Variants in CHRM3 observed in about 807,000 individuals in gnomAD.
The protein encoded by CHRM3 is cholinergic receptor muscarinic 3.
Under a neutral mutation model 41.8 loss-of-function variants are expected in CHRM3, and 11 were observed. The observed-to-expected ratio is 0.26, with a 90% CI of 0.17 to 0.44. The LOEUF is 0.44. Ranked by LOEUF, CHRM3 falls within the 20% of genes least tolerant of loss-of-function variation. The pLI is 1.00. For synonymous variants in CHRM3, 297 were observed against 301.4 expected (o/e 0.99, Z 0.15); for missense variants, 571 against 745.4 (o/e 0.77, Z 2.72).
At chr1:239,559,148 TC>T (rs1459008348) in intron 3 of CHRM3, among the ~76,000 whole-genome samples, 1 of 152,178 alleles carries the variant, frequency 6.6e-6, no homozygotes, top group Non-Finnish European at 1.5e-5. Flanking sequence ...CCCTTTCACT[TC>T]CTTTCTGTAA....
intron 5 of CHRM3, among the ~76,000 whole-genome samples, chr1:239,735,423 A>AT (rs61138349): frequency 6.6e-6 from 1 of 152,006 alleles, no homozygotes; most frequent in East Asian, 1.9e-4. Flanking sequence ...ATGAGAGGCA[A>AT]TTTTTTTTCC....
At chr1:239,682,728 T>A (rs17649857) in intron 5 of CHRM3, among the ~76,000 whole-genome samples, 8,043 of 152,240 alleles carry the variant, frequency 0.053, 340 homozygotes, top group South Asian at 0.17. Flanking sequence ...AGTTGATTGT[T>A]AAGGTTTGTA....
chr1:239,736,964 G>A (rs931468594), intron 5 of CHRM3, among the ~76,000 whole-genome samples: 1 of 152,062 alleles, frequency 6.6e-6, no homozygotes, highest in Non-Finnish European at 1.5e-5. Flanking sequence ...ATTTATATTT[G>A]TATAGAATTA....
chr1:239,876,509 C>T (rs943474948), intron 6 of CHRM3, among the ~76,000 whole-genome samples: 2 of 152,182 alleles, frequency 1.3e-5, no homozygotes, highest in Non-Finnish European at 2.9e-5. Context: ...TCAGCTGTGC[C>T]TCAGTTTCCT....
At chr1:239,613,536 A>G (rs1262764872) in intron 3 of CHRM3, among the ~76,000 whole-genome samples, 1 of 152,234 alleles carries the variant, frequency 6.6e-6, no homozygotes, top group Non-Finnish European at 1.5e-5. Flanking sequence ...CATCCCAGAC[A>G]CACAGACAAA....
intron 3 of CHRM3, among the ~76,000 whole-genome samples, chr1:239,629,912 T>C (rs1669611779): frequency 6.6e-6 from 1 of 152,190 alleles, no homozygotes; most frequent in Non-Finnish European, 1.5e-5. Context: ...TATGTGACCT[T>C]TGAGCCATGT....
At chr1:239,777,608 G>A (rs1187613135) in intron 5 of CHRM3, among the ~76,000 whole-genome samples, 1 of 152,084 alleles carries the variant, frequency 6.6e-6, no homozygotes, top group East Asian at 1.9e-4. Context: ...TTTGAGGTGG[G>A]GGGTGCAGAT....
chr1:239,714,262 C>T (rs1300077246), intron 5 of CHRM3: 1 of 152,150 alleles, frequency 6.6e-6, no homozygotes, highest in African/African-American at 2.4e-5. Context: ...TGGAGCTCGT[C>T]ATCTAAAGAG....
intron 5 of CHRM3, among the ~76,000 whole-genome samples, chr1:239,746,984 T>C (rs1308785563): frequency 6.6e-6 from 1 of 151,928 alleles, no homozygotes; most frequent in Non-Finnish European, 1.5e-5. Flanking sequence ...TCTTGATCTC[T>C]TGACCTCGTG....
intron 1 of CHRM3, among the ~76,000 whole-genome samples, chr1:239,403,666 G>A (rs1047607137): frequency 6.6e-6 from 1 of 151,950 alleles, no homozygotes; most frequent in African/African-American, 2.4e-5. Flanking sequence ...TTGATCATCA[G>A]ATGCCACAAG....
intron 5 of CHRM3, among the ~76,000 whole-genome samples, chr1:239,761,930 A>G (rs573521637): frequency 1.9e-4 from 29 of 152,298 alleles, no homozygotes; most frequent in Non-Finnish European, 7.3e-5. Context: ...CAATTCAGCA[A>G]GAACCTGAGC....
chr1:239,875,584 C>T (rs1007483255), intron 6 of CHRM3, among the ~76,000 whole-genome samples: 4 of 152,214 alleles, frequency 2.6e-5, no homozygotes, highest in African/African-American at 9.6e-5. Flanking sequence ...CAAGGCCAAC[C>T]CTGCTCCATG....
At chr1:239,566,719 C>A (rs1399990766) in intron 3 of CHRM3, among the ~76,000 whole-genome samples, 1 of 152,174 alleles carries the variant, frequency 6.6e-6, no homozygotes, top group Non-Finnish European at 1.5e-5. Context: ...TATTCTTTGA[C>A]TCAACTTTCA....
chr1:239,544,122 G>A (rs528835224), intron 2 of CHRM3, among the ~76,000 whole-genome samples: 3 of 152,210 alleles, frequency 2.0e-5, no homozygotes, highest in Non-Finnish European at 4.4e-5. Context: ...AAAGATTGCT[G>A]TGATGCTGCT....
At chr1:239,875,855 A>T (rs147450971) in intron 6 of CHRM3, among the ~76,000 whole-genome samples, 3 of 152,226 alleles carry the variant, frequency 2.0e-5, no homozygotes, top group Non-Finnish European at 4.4e-5. Context: ...CAAATGAATT[A>T]AAAGGCAGCA....
chr1:239,675,272 T>A (rs937307380), intron 4 of CHRM3, among the ~76,000 whole-genome samples: 2 of 152,224 alleles, frequency 1.3e-5, no homozygotes, highest in Non-Finnish European at 2.9e-5. Context: ...GTCCAATTTC[T>A]CTTTTAAAAA....
At chr1:239,529,609 C>CAAAAAAAAAAAAAAAAAAAAA (rs74990447) in intron 2 of CHRM3, among the ~76,000 whole-genome samples, 1 of 110,856 alleles carries the variant, frequency 9.0e-6, no homozygotes, top group Non-Finnish European at 1.8e-5. Flanking sequence ...GACTCCGTCT[C>CAAAAAAAAAAAAAAAAAAAAA]AAAAAAAAAA....
chr1:239,827,921 G>T (rs1184297644), intron 6 of CHRM3, among the ~76,000 whole-genome samples: 5 of 152,120 alleles, frequency 3.3e-5, no homozygotes, highest in African/African-American at 1.2e-4. Context: ...ATTATAAAGT[G>T]CAGCATGTAA....
chr1:239,565,549 T>A (rs1049077812), intron 3 of CHRM3, among the ~76,000 whole-genome samples: 1 of 152,204 alleles, frequency 6.6e-6, no homozygotes, highest in African/African-American at 2.4e-5. Flanking sequence ...AATTAATTTT[T>A]AAATGTTTCG....
Sources: allele counts gnomAD v4.1 joint callset (sites outside exome capture counted in the v4.1 genomes callset), GRCh38; gene constraint gnomAD v4.1.1; transcripts MANE v1.5; gene names NCBI Gene and HGNC (gene_info 2026-07-23, HGNC 2026-07-21).